Variants in MACF1 observed in about 807,000 individuals in gnomAD.
MACF1 encodes microtubule-actin cross-linking factor 1.
A neutral mutation model predicts 854.8 loss-of-function variants in MACF1; 193 were observed. The ratio of observed to expected loss-of-function variants is 0.23; its 90% CI spans 0.20 to 0.25. MACF1 has a LOEUF of 0.25. Ranked by LOEUF, MACF1 falls within the 10% of genes least tolerant of loss-of-function variation. The pLI is 1.00. For synonymous variants in MACF1, 3,185 were observed against 3,226.7 expected (o/e 0.99, Z 0.44); for missense variants, 7,722 against 8,929.1 (o/e 0.86, Z 5.45).
intron 5 of MACF1, 180 bp downstream of exon 5, chr1:39,254,555 C>G (rs1001393455): frequency 5.3e-6 from 3 of 566,494 alleles, no homozygotes; most frequent in African/African-American, 3.8e-5. Flanking sequence ...ATTCAGTACT[C>G]ACACAGAACT....
In MACF1 at chr1:39,332,071, T is replaced by C. The variant is rs776065755; in HGVS notation, c.5483T>C (p.Val1828Ala). The C allele has an allele frequency of 6.2e-7, 1 of 1,614,074 alleles. No individual in the cohort carries two copies. The highest frequency in any genetic ancestry group is 1.1e-5 in the South Asian group (1 of 91,062). Residue 1828 changes from valine to alanine, a missense_variant, in exon 37 of 101, where the codon GTG becomes GCG. This residue lies in a region of MACF1 where 1,531 missense variants were observed against 1,601.6 expected (regional missense o/e 0.96). Coordinates refer to ENST00000564288, the MANE Select transcript of MACF1 (RefSeq NM_001394062.1). ...TGQRLTIDEAVSNDLVAAKIA... is the reference protein window; with the variant it reads ...TGQRLTIDEAASNDLVAAKIA... ...CAAAGGCTAACAATAGATGAAGCAG[T>C]GAGCAATGATCTAGTAGCTGCTAAG...
At chr1:39,293,867 A>G (rs1645845277) in intron 18 of MACF1, among the ~76,000 whole-genome samples, 1 of 152,058 alleles carries the variant, frequency 6.6e-6, no homozygotes, top group African/African-American at 2.4e-5. Flanking sequence ...CAACCTGTAA[A>G]TTGAGTCATT....
intron 2 of MACF1, among the ~76,000 whole-genome samples, chr1:39,155,717 AG>A (rs1305580282): frequency 6.6e-6 from 1 of 152,148 alleles, no homozygotes; most frequent in Non-Finnish European, 1.5e-5. Flanking sequence ...GTTAAGACTT[AG>A]TATTTTATTT....
At chr1:39,137,513 G>T (rs1341249264) in intron 2 of MACF1, among the ~76,000 whole-genome samples, 1 of 152,144 alleles carries the variant, frequency 6.6e-6, no homozygotes, top group African/African-American at 2.4e-5. Flanking sequence ...CTACAGGCAT[G>T]TGCCATTACA....
chr1:39,422,094 T>A (rs183045396), intron 58 of MACF1, among the ~76,000 whole-genome samples: 22 of 151,636 alleles, frequency 1.5e-4, no homozygotes, highest in African/African-American at 4.8e-4. Context: ...CAAAAAAAAA[T>A]TAAGCAACAG....
chr1:39,380,386 AAG>A lies in MACF1; in HGVS notation c.13648+16_13648+17del, dbSNP rs1459266253. On this transcript the variant is annotated intron_variant, in intron 55 of 100. Coordinates refer to ENST00000564288, the MANE Select transcript of MACF1 (RefSeq NM_001394062.1). Reference sequence around the variant, plus strand: ...CAGGAAGAACTCAGTAAGTTTTCACAAGAGTGTTACAAATTTGCTAAGTTACT... The same window carrying A: ...CAGGAAGAACTCAGTAAGTTTTCACAAGTGTTACAAATTTGCTAAGTTACT... 6.2e-7 allele frequency: 1 copy of A among 1,608,830 alleles called. No individual in the cohort carries two copies.
intron 46 of MACF1, 42 bp downstream of exon 46, chr1:39,358,915 T>C: frequency 6.4e-7 from 1 of 1,561,910 alleles, no homozygotes; most frequent in Admixed American, 2.1e-5. Flanking sequence ...CAAGACCTTG[T>C]ATTCCATGGC....
chr1:39,349,581 C>T lies in MACF1; in HGVS notation c.10919C>T (p.Thr3640Ile). The change falls in exon 42 of 101, where the codon ACC becomes ATC. Residue 3640 changes from threonine to isoleucine, a missense_variant. Physicochemically the swap from Thr to Ile is moderately conservative, Grantham distance 89. Coordinates refer to ENST00000564288, the MANE Select transcript of MACF1 (RefSeq NM_001394062.1). Reference sequence around the variant, plus strand: ...CTGGCAGGCCACCAAGGCAGAACCACCCAGCAGGATCTCTCTGCTTTGCAG... The same window carrying T: ...CTGGCAGGCCACCAAGGCAGAACCATCCAGCAGGATCTCTCTGCTTTGCAG... The part of the protein sequence containing the change: ...RALAGHQGRT[T>I]QQDLSALQKN... 1 of 1,614,198 alleles carries T rather than the reference C, an allele frequency of 6.2e-7. No individual in the cohort carries two copies. Among genetic ancestry groups the T allele is most frequent in the Non-Finnish European group, 8.5e-7 (1 of 1,180,004 alleles).
chr1:39,146,580 G>GA (rs1458062714), intron 2 of MACF1, among the ~76,000 whole-genome samples: 1 of 152,082 alleles, frequency 6.6e-6, no homozygotes, highest in Non-Finnish European at 1.5e-5. Flanking sequence ...TATGTTAAGC[G>GA]AAATAAGCCA....
chr1:39,468,761 G>A (rs1453448015), intron 96 of MACF1, 29 bp downstream of exon 96: 27 of 1,570,268 alleles, frequency 1.7e-5, no homozygotes, highest in Non-Finnish European at 2.2e-5. Flanking sequence ...CATGAATTAC[G>A]TGTTAGGTAT....
At chr1:39,425,401 A>C (rs566599441) in intron 61 of MACF1, among the ~76,000 whole-genome samples, 1 of 152,260 alleles carries the variant, frequency 6.6e-6, no homozygotes, top group South Asian at 2.1e-4. Context: ...GCCTTTAATC[A>C]TATCTTTTCA....
chr1:39,392,939 T>C (rs983453808), intron 58 of MACF1, among the ~76,000 whole-genome samples: 4 of 151,916 alleles, frequency 2.6e-5, no homozygotes, highest in Non-Finnish European at 5.9e-5. Flanking sequence ...CTGTTGGAAG[T>C]AGAAAGGAAG....
rs1479868041 is a variant in MACF1 at position 39,333,977 on chromosome 1, A to T, written c.7389A>T (p.Gln2463His). 3 of 1,614,112 alleles carry T rather than the reference A, an allele frequency of 1.9e-6. No individual in the cohort carries two copies. The highest frequency in any genetic ancestry group is 1.7e-5 in the Admixed American group (1 of 60,008). ...TTAGGGAGAGATTAATTAGTTTACA[A>T]ATGGAAACAACAGGACTTATAGACC... ...KTVRERLISL[Q>H]METTGLIDPD... Residue 2463 changes from glutamine (Q) to histidine (H), a missense_variant, in exon 37 of 101, where the codon CAA becomes CAT. Gln to His is a conservative substitution (Grantham distance 24, BLOSUM62 0). Coordinates refer to ENST00000564288, the MANE Select transcript of MACF1 (RefSeq NM_001394062.1).
Position 39,332,795 on chromosome 1 carries a change from A to G in MACF1, c.6207A>G (p.Thr2069=), listed in dbSNP as rs754347354. Residue 2069 remains threonine (T), a synonymous_variant, in exon 37 of 101, where the codon ACA becomes ACG. Coordinates refer to ENST00000564288, the MANE Select transcript of MACF1 (RefSeq NM_001394062.1). ...AAGGCAAAAAGACCACTGTAGAAACAGAAGATTCTTCTGTAGAGAACCCTG... is the reference window on the plus strand; with the variant it reads ...AAGGCAAAAAGACCACTGTAGAAACGGAAGATTCTTCTGTAGAGAACCCTG... ...TEKGKKTTVE[T]EDSSVENPEQ... 1.2e-6 allele frequency: 2 copies of G among 1,614,212 alleles called. No individual in the cohort carries two copies. Among genetic ancestry groups the G allele is most frequent in the South Asian group, 1.1e-5 (1 of 91,082 alleles).
intron 57 of MACF1, 93 bp downstream of exon 57, chr1:39,386,022 C>T (rs1297912191): frequency 8.6e-6 from 12 of 1,392,160 alleles, no homozygotes; most frequent in Non-Finnish European, 1.2e-5. Context: ...CTAGGATTCC[C>T]TTACGTAATT....
chr1:39,084,313 G>A lies in MACF1; in HGVS notation c.95G>A (p.Gly32Glu). 1 of 1,614,042 alleles carries A rather than the reference G, an allele frequency of 6.2e-7. No individual in the cohort carries two copies. Among genetic ancestry groups the A allele is most frequent in the Non-Finnish European group, 8.5e-7 (1 of 1,180,032 alleles). Residue 32 changes from glycine (G) to glutamate (E), a missense_variant, in exon 2 of 94, where the codon GGG (glycine) becomes GAG (glutamate). Physicochemically the swap from Gly to Glu is moderately conservative, Grantham distance 98 (BLOSUM62 -2). Transcript: ENST00000361689. The surrounding 1 kb of genome is among the most constrained non-coding windows in gnomAD (Gnocchi z 5.2). ...CGATCTTACAGGAGCGAGCGGTCGG[G>A]GAGCCTGTCTCCCTGTCCCCCAGGG...
At chr1:39,285,053 G>A (rs1645617819) in intron 11 of MACF1, 30 bp from the exon 12 acceptor site, 1 of 1,612,464 alleles carries the variant, frequency 6.2e-7, no homozygotes, top group Non-Finnish European at 8.5e-7. Context: ...GCATGGCTGT[G>A]TTTTTGGACT....
Position 39,319,730 on chromosome 1 carries a change from T to C in MACF1, c.4012T>C (p.Tyr1338His). Residue 1338 changes from tyrosine (Y) to histidine (H), a missense_variant, in exon 31 of 101, where the codon TAC becomes CAC. By Grantham distance (83) the Tyr-to-His change is moderately conservative (BLOSUM62 2). This residue lies in a region of MACF1 where 1,137 missense variants were observed against 1,263.0 expected (regional missense o/e 0.90). Coordinates refer to ENST00000564288, the MANE Select transcript of MACF1 (RefSeq NM_001394062.1). ...TCAATGTCAAAAATTTTCCCAGCAGTACTCTACTATTGTAAAGGTAACTTT... is the reference window on the plus strand; with the variant it reads ...TCAATGTCAAAAATTTTCCCAGCAGCACTCTACTATTGTAAAGGTAACTTT... ...LDQCQKFSQQ[Y>H]STIVKDYELQ... is the part of the protein sequence containing the mutation. 2 of 1,612,938 alleles carry C rather than the reference T, an allele frequency of 1.2e-6. No individual in the cohort carries two copies. The highest frequency in any genetic ancestry group is 1.7e-6 in the Non-Finnish European group (2 of 1,179,242).
At chr1:39,448,003 C>T (rs1644262773) in intron 82 of MACF1, 30 bp from the exon 83 acceptor site, 1 of 1,613,034 alleles carries the variant, frequency 6.2e-7, no homozygotes, top group Admixed American at 1.7e-5. Flanking sequence ...TATATTCATT[C>T]CTGTTAACTT....
Sources: gnomAD v4.1 joint callset for allele counts (sites outside exome capture counted in the v4.1 genomes callset) on GRCh38, gnomAD v4.1.1 for gene constraint, gnomAD v4.1.1 regional missense constraint, Gnocchi (gnomAD v3.1) non-coding constraint, MANE v1.5 for transcripts, NCBI Gene and HGNC (gene_info 2026-07-23, HGNC 2026-07-21) for gene names.